MGAT4C: variants seen among roughly 807,000 people sequenced by gnomAD.
The protein encoded by MGAT4C is alpha-1,3-mannosyl-glycoprotein 4-beta-N-acetylglucosaminyltransferase C.
A neutral mutation model predicts 40.1 loss-of-function variants in MGAT4C; 19 were observed. That is an observed-to-expected ratio of 0.47 (90% CI 0.33 to 0.70). MGAT4C has a LOEUF of 0.70. Ranked by LOEUF, MGAT4C falls within the 30% of genes least tolerant of loss-of-function variation. MGAT4C has a pLI of 0.02. For synonymous variants in MGAT4C, 181 were observed against 187.1 expected (o/e 0.97, Z 0.27); for missense variants, 491 against 563.2 (o/e 0.87, Z 1.30).
intron 1 of MGAT4C, among the ~76,000 whole-genome samples, chr12:86,054,134 C>T (rs1037344951): frequency 6.6e-6 from 1 of 152,066 alleles, no homozygotes; most frequent in Non-Finnish European, 1.5e-5. Flanking sequence ...AAAGAGATAC[C>T]TGCACTCCCA....
chr12:86,122,758 C>A (rs1260236635), intron 1 of MGAT4C, among the ~76,000 whole-genome samples: 1 of 150,740 alleles, frequency 6.6e-6, no homozygotes, highest in African/African-American at 2.5e-5. Context: ...CTTGAAAGTT[C>A]TTTTAATGTG....
chr12:86,356,378 A>G (rs957835867), intron 3 of MGAT4C, among the ~76,000 whole-genome samples: 8 of 152,340 alleles, frequency 5.3e-5, no homozygotes, highest in Non-Finnish European at 1.0e-4. Context: ...CCAAATAGGA[A>G]GAACTCCAGT....
chr12:86,372,465 A>G (rs1321697637), intron 3 of MGAT4C, among the ~76,000 whole-genome samples: 4 of 151,964 alleles, frequency 2.6e-5, no homozygotes, highest in Non-Finnish European at 5.9e-5. Context: ...TATACAAGGT[A>G]CAAAGGAAAA....
At chr12:86,562,611 T>G (rs1959920266) in intron 2 of MGAT4C, among the ~76,000 whole-genome samples, 1 of 152,002 alleles carries the variant, frequency 6.6e-6, no homozygotes, top group Non-Finnish European at 1.5e-5. Context: ...CTGATTCTCC[T>G]CAGAACCCAT....
At chr12:86,010,236 C>A (rs1408745137) in intron 2 of MGAT4C, among the ~76,000 whole-genome samples, 1 of 152,004 alleles carries the variant, frequency 6.6e-6, no homozygotes, top group East Asian at 1.9e-4. Flanking sequence ...ACATCAGAAG[C>A]AAAGTTAGAA....
intron 4 of MGAT4C, among the ~76,000 whole-genome samples, chr12:86,279,497 G>C (rs1258734993): frequency 2.0e-5 from 3 of 152,052 alleles, no homozygotes; most frequent in African/African-American, 7.2e-5. Flanking sequence ...GGTGTCAGTT[G>C]TAAGTCTCCT....
intron 1 of MGAT4C, among the ~76,000 whole-genome samples, chr12:86,241,702 G>T (rs1951795087): frequency 6.6e-6 from 1 of 152,152 alleles, no homozygotes; most frequent in Admixed American, 6.5e-5. Context: ...GCTGGCCTCA[G>T]ATACTAGACC....
At chr12:86,073,286 C>T (rs2137043163) in intron 1 of MGAT4C, among the ~76,000 whole-genome samples, 1 of 152,278 alleles carries the variant, frequency 6.6e-6, no homozygotes, top group South Asian at 2.1e-4. Flanking sequence ...ACTGTGAGTC[C>T]ATTAAATATA....
At chr12:86,335,045 G>T (rs1032739425) in intron 3 of MGAT4C, among the ~76,000 whole-genome samples, 1 of 130,504 alleles carries the variant, frequency 7.7e-6, no homozygotes, top group East Asian at 3.4e-4. Context: ...TTATATAAAT[G>T]CATAGTCATA....
intron 3 of MGAT4C, among the ~76,000 whole-genome samples, chr12:86,420,786 TATATATATAC>T (rs1956806566): frequency 6.7e-6 from 1 of 148,916 alleles, no homozygotes. Context: ...CATATATATA[TATATATATAC>T]ACACACACAT....
At chr12:86,262,510 T>C (rs1048352349) in intron 4 of MGAT4C, among the ~76,000 whole-genome samples, 7 of 152,082 alleles carry the variant, frequency 4.6e-5, no homozygotes, top group Non-Finnish European at 8.8e-5. Flanking sequence ...TATATCCTGA[T>C]AGCTCTCTTT....
At chr12:86,107,017 A>T (rs914815408) in intron 1 of MGAT4C, among the ~76,000 whole-genome samples, 4 of 152,170 alleles carry the variant, frequency 2.6e-5, no homozygotes, top group Non-Finnish European at 5.9e-5. Flanking sequence ...TGTTAGGTCT[A>T]CTAAGCCCTC....
intron 1 of MGAT4C, among the ~76,000 whole-genome samples, chr12:86,198,429 C>G (rs140091807): frequency 7.9e-5 from 12 of 152,166 alleles, no homozygotes; most frequent in Middle Eastern, 3.4e-3. Flanking sequence ...TTTTAGTAAC[C>G]TCTACAGTTA....
intron 1 of MGAT4C, among the ~76,000 whole-genome samples, chr12:86,756,512 T>A (rs1951306273): frequency 6.6e-6 from 1 of 152,126 alleles, no homozygotes; most frequent in Non-Finnish European, 1.5e-5. Context: ...GAATTCTACA[T>A]TTCTTAAAAT....
intron 1 of MGAT4C, among the ~76,000 whole-genome samples, chr12:86,788,843 A>C (rs776625494): frequency 2.6e-5 from 4 of 152,162 alleles, no homozygotes; most frequent in Non-Finnish European, 4.4e-5. Context: ...GTCAATGTAC[A>C]AAGTAACTGT....
chr12:86,676,381 T>C (rs781061494), intron 2 of MGAT4C, among the ~76,000 whole-genome samples: 1 of 152,182 alleles, frequency 6.6e-6, no homozygotes, highest in Admixed American at 6.6e-5. Context: ...CTTTATTTCC[T>C]GCCAAGGATT....
rs117637623 is a variant in MGAT4C, at chr12:85,992,377, C to T, written c.-6-2825G>A. Among the ~76,000 whole-genome samples the T allele has an allele frequency of 2.0e-4, 30 of 152,298 alleles. No individual in the cohort carries two copies. The East Asian group carries it at 5.4e-3, about 28-fold the overall frequency. ...TCTTGGGGCAACTAAGGGTATCTGGCCAAGGCTACACCTTGGTGTTATCCA... is the reference window on the plus strand; with the variant it reads ...TCTTGGGGCAACTAAGGGTATCTGGTCAAGGCTACACCTTGGTGTTATCCA... On this transcript the variant is annotated intron_variant, in intron 2 of 4. Transcript: ENST00000611864.
intron 1 of MGAT4C, among the ~76,000 whole-genome samples, chr12:86,790,305 T>C (rs1952001155): frequency 6.6e-6 from 1 of 152,182 alleles, no homozygotes; most frequent in African/African-American, 2.4e-5. Flanking sequence ...TCTATTACTT[T>C]GATGAATTTT....
chr12:86,739,905 CAT>C (rs1476259897), intron 1 of MGAT4C, among the ~76,000 whole-genome samples: 1 of 150,646 alleles, frequency 6.6e-6, no homozygotes, highest in Non-Finnish European at 1.5e-5. Flanking sequence ...AGTCCTAAGG[CAT>C]ATTATATATA....
Sources: gnomAD v4.1 joint callset for allele counts (sites outside exome capture counted in the v4.1 genomes callset) on GRCh38, gnomAD v4.1.1 for gene constraint, MANE v1.5 for transcripts, NCBI Gene and HGNC (gene_info 2026-07-23, HGNC 2026-07-21) for gene names.